Variants in SCAMP2 observed in about 807,000 individuals in gnomAD.
SCAMP2 encodes the protein secretory carrier membrane protein 2.
A neutral mutation model predicts 44.1 loss-of-function variants in SCAMP2; 25 were observed. The observed-to-expected ratio is 0.57, with a 90% CI of 0.41 to 0.79. The LOEUF (loss-of-function observed/expected upper bound fraction) is 0.79, where lower values mean the gene tolerates loss of function less well. Ranked by LOEUF, SCAMP2 falls within the 30% of genes least tolerant of loss-of-function variation. The pLI, the probability that SCAMP2 is intolerant of heterozygous loss-of-function variation, is 0.00. For synonymous variants in SCAMP2, 156 were observed against 166.0 expected (o/e 0.94, Z 0.46); for missense variants, 355 against 411.0 (o/e 0.86, Z 1.18).
chr15:74,845,165 T>A lies in SCAMP2; in HGVS notation c.908A>T (p.Glu303Val), dbSNP rs1463682332. ...GCTGCTGAAGATGCCCTGGGAAAAC[T>A]CCTCCTGGGCCTGCTGGAAGCTGGC... is the stretch of plus-strand genomic sequence containing the variant. ...TGASFQQAQE[E>V]FSQGIFSSRT... The change falls in exon 9 of 9, where the codon GAG becomes GTG. Residue 303 changes from glutamate (E) to valine (V), a missense_variant. By Grantham distance (121) the Glu-to-Val change is moderately radical (BLOSUM62 -2). Transcript: ENST00000268099. The A allele has an allele frequency of 6.2e-7, 1 of 1,613,770 alleles. No individual in the cohort carries two copies. Among genetic ancestry groups the A allele is most frequent in the East Asian group, 2.2e-5 (1 of 44,860 alleles).
intron 1 of SCAMP2, among the ~76,000 whole-genome samples, chr15:74,862,259 T>C: frequency 3.4e-5 from 1 of 29,458 alleles, no homozygotes. Flanking sequence ...TGAGACTCTG[T>C]CTCCAAAAAA....
chr15:74,868,006 C>T (rs1051355462), intron 1 of SCAMP2, among the ~76,000 whole-genome samples: 10 of 152,190 alleles, frequency 6.6e-5, no homozygotes, highest in African/African-American at 2.2e-4. Context: ...TTTAGCTTTC[C>T]ACCCCTTCAT....
In SCAMP2 at chr15:74,854,614, C is replaced by A. The variant is rs1479392544; in HGVS notation, c.93G>T (p.Gln31His). 16 of 1,608,626 alleles carry A rather than the reference C, an allele frequency of 9.9e-6. No homozygotes were observed. Among genetic ancestry groups the A allele is most frequent in the Non-Finnish European group, 1.4e-5 (16 of 1,177,626 alleles). Residue 31 changes from glutamine to histidine, a missense_variant, in exon 2 of 9, where the codon CAG (glutamine) becomes CAT (histidine). Physicochemically the swap from Gln to His is conservative, Grantham distance 24. Transcript: ENST00000268099. Reference protein sequence around the residue: ...PSVTQLTNAPQGGLAEFNPFS... With the variant: ...PSVTQLTNAPHGGLAEFNPFS... ...AGGGGTTGAATTCCGCCAGGCCGCC[C>A]TGCGGGGCGTTGGTCAGCTGGGTCA...
chr15:74,852,363 AC>A (rs1265085651), intron 3 of SCAMP2, 177 bp from the exon 4 acceptor site: 2 of 420,762 alleles, frequency 4.8e-6, no homozygotes, highest in South Asian at 6.7e-5. Flanking sequence ...AGAGAGGCCA[AC>A]CTGTCTTCCA....
At chr15:74,866,266 C>T (rs951715573) in intron 1 of SCAMP2, among the ~76,000 whole-genome samples, 7 of 151,578 alleles carry the variant, frequency 4.6e-5, no homozygotes, top group Admixed American at 1.3e-4. Context: ...AAGCAGCAGA[C>T]GCATCCCAGG....
chr15:74,873,189 G>A lies in SCAMP2; in HGVS notation c.57+10C>T. Reference sequence around the variant, plus strand: ...AATCTGAGAGCTGGATGGCGGGAGAGGGGCTCTACCTGGAAGGGGTTTACA... The same window carrying A: ...AATCTGAGAGCTGGATGGCGGGAGAAGGGCTCTACCTGGAAGGGGTTTACA... On this transcript the variant is annotated intron_variant, in intron 1 of 8. Coordinates refer to ENST00000268099, the MANE Select transcript of SCAMP2 (RefSeq NM_005697.5). 1 of 1,434,238 alleles carries A rather than the reference G, an allele frequency of 7.0e-7. No homozygotes were observed. Among genetic ancestry groups the A allele is most frequent in the Non-Finnish European group, 9.1e-7 (1 of 1,097,714 alleles). The allele number at this position is 1,434,238 out of a possible 1,614,324, so 88.8% of individuals were successfully genotyped here.
At chr15:74,849,971 C>G (rs779380048) in intron 6 of SCAMP2, among the ~76,000 whole-genome samples, 1 of 152,204 alleles carries the variant, frequency 6.6e-6, no homozygotes, top group Non-Finnish European at 1.5e-5. Flanking sequence ...ACCCTAATCC[C>G]TCTTCCCAGG....
chr15:74,865,883 T>G (rs2141181344), intron 1 of SCAMP2, among the ~76,000 whole-genome samples: 1 of 147,636 alleles, frequency 6.8e-6, no homozygotes, highest in South Asian at 2.2e-4. Flanking sequence ...CCTAGGAGAT[T>G]GAGGCTGCAG....
intron 7 of SCAMP2, among the ~76,000 whole-genome samples, chr15:74,846,583 G>A (rs2064401394): frequency 6.6e-6 from 1 of 152,138 alleles, no homozygotes; most frequent in Admixed American, 6.5e-5. Flanking sequence ...CTAACACAGT[G>A]AAACCCCATC....
At chr15:74,859,431 C>T (rs1395730436) in intron 1 of SCAMP2, among the ~76,000 whole-genome samples, 2 of 152,046 alleles carry the variant, frequency 1.3e-5, no homozygotes, top group Admixed American at 6.6e-5. Context: ...GGAGACACCT[C>T]GGTGGGCTTC....
chr15:74,846,646 T>A (rs1596413161), intron 7 of SCAMP2, among the ~76,000 whole-genome samples: 1 of 151,866 alleles, frequency 6.6e-6, no homozygotes, highest in African/African-American at 2.4e-5. Flanking sequence ...ACCTACATAG[T>A]CCCAGTTACT....
intron 7 of SCAMP2, among the ~76,000 whole-genome samples, chr15:74,846,214 G>A (rs1347933814): frequency 6.6e-6 from 1 of 151,932 alleles, no homozygotes; most frequent in African/African-American, 2.4e-5. Context: ...CCTGGAAGGT[G>A]CAGGCTGCAG....
At chr15:74,850,444 C>G in intron 6 of SCAMP2, 70 bp downstream of exon 6, 1 of 1,391,986 alleles carries the variant, frequency 7.2e-7, no homozygotes, top group Non-Finnish European at 1.0e-6. Context: ...GGTCCCAGGG[C>G]CTATAGCCCT....
At chr15:74,869,246 T>C in intron 1 of SCAMP2, among the ~76,000 whole-genome samples, 1 of 152,050 alleles carries the variant, frequency 6.6e-6, no homozygotes, top group Admixed American at 6.6e-5. Flanking sequence ...GGACTGGCAT[T>C]ACTCAGAATA....
chr15:74,848,819 A>G, intron 6 of SCAMP2, 118 bp from the exon 7 acceptor site: 1 of 677,454 alleles, frequency 1.5e-6, no homozygotes. Flanking sequence ...CAAGAGACAG[A>G]GCTCCAGGGG....
At chr15:74,864,951 G>A (rs1260648499) in intron 1 of SCAMP2, among the ~76,000 whole-genome samples, 1 of 150,772 alleles carries the variant, frequency 6.6e-6, no homozygotes, top group African/African-American at 2.4e-5. Flanking sequence ...GCCGGGCGTG[G>A]TGGCACATTC....
chr15:74,868,657 G>C (rs12902515), intron 1 of SCAMP2, among the ~76,000 whole-genome samples: 68,136 of 152,018 alleles, frequency 0.45, 16,207 homozygotes, highest in Non-Finnish European at 0.54. Context: ...ATCCCCCTGT[G>C]GCAGCCTCCC....
Position 74,848,510 on chromosome 15 carries a change from G to A in SCAMP2, c.734+90C>T, listed in dbSNP as rs570561853. 20 of 819,942 alleles carry A rather than the reference G, an allele frequency of 2.4e-5. No individual in the cohort carries two copies. In the East Asian group the frequency reaches 5.2e-4, roughly 21 times the overall value. 50.8% of individuals were successfully genotyped at this position (819,942 alleles called of 1,614,324 possible). A position where few individuals can be genotyped will look rare whatever the true frequency, so the allele number is the denominator to read the frequency against. Reference sequence around the variant, plus strand: ...CCCGCCATGGGAAAAGCAGGGCACTGGCGGGGCTCTGTGGGAGCTAGAAAA... The same window carrying A: ...CCCGCCATGGGAAAAGCAGGGCACTAGCGGGGCTCTGTGGGAGCTAGAAAA... On this transcript the variant is annotated intron_variant, in intron 7 of 8. Transcript: ENST00000268099.
intron 6 of SCAMP2, 131 bp downstream of exon 6, chr15:74,850,383 G>A (rs2064427330): frequency 1.2e-5 from 11 of 906,410 alleles, no homozygotes; most frequent in Middle Eastern, 2.4e-4. Context: ...GGAACAGAAT[G>A]TAGGGAAAGT....
Sources: gnomAD v4.1 joint callset for allele counts (sites outside exome capture counted in the v4.1 genomes callset) on GRCh38, gnomAD v4.1.1 for gene constraint, MANE v1.5 for transcripts, NCBI Gene and HGNC (gene_info 2026-07-23, HGNC 2026-07-21) for gene names.